TNC: variants seen among roughly 807,000 people sequenced by gnomAD.
TNC encodes tenascin C.
In TNC, 109 loss-of-function variants were observed where a neutral mutation model predicts 202.4. That is an observed-to-expected ratio of 0.54 (90% CI 0.46 to 0.63). The LOEUF is 0.63. Ranked by LOEUF, TNC falls within the 30% of genes least tolerant of loss-of-function variation. The pLI is 0.00. For synonymous variants in TNC, 1,007 were observed against 1,089.7 expected (o/e 0.92, Z 1.50); for missense variants, 2,756 against 2,833.3 (o/e 0.97, Z 0.62).
intron 18 of TNC, among the ~76,000 whole-genome samples, chr9:115,041,720 G>C (rs1037028044): frequency 2.6e-5 from 4 of 152,176 alleles, no homozygotes; most frequent in Non-Finnish European, 2.9e-5. Flanking sequence ...ACCTGCCAGA[G>C]TGTCTTTAGG....
At chr9:115,102,742 G>C (rs1018147751) in intron 1 of TNC, among the ~76,000 whole-genome samples, 1 of 152,224 alleles carries the variant, frequency 6.6e-6, no homozygotes, top group African/African-American at 2.4e-5. Flanking sequence ...CATATGTGCA[G>C]TTAGATTGTA....
intron 15 of TNC, among the ~76,000 whole-genome samples, chr9:115,049,873 G>A (rs1275735673): frequency 5.3e-5 from 8 of 152,154 alleles, no homozygotes; most frequent in Non-Finnish European, 1.2e-4. Flanking sequence ...TTTGGTGACT[G>A]AATGAATAAG....
At chr9:115,023,386 A>G (rs989786421) in intron 27 of TNC, among the ~76,000 whole-genome samples, 6 of 152,186 alleles carry the variant, frequency 3.9e-5, no homozygotes, top group Admixed American at 3.9e-4. Context: ...CCGTTCGCCT[A>G]TTTCTAAAAG....
chr9:115,090,922 G>A lies in TNC; in HGVS notation c.97C>T (p.Arg33Ter), dbSNP rs759957969. 1 of 1,614,144 alleles carries A rather than the reference G, an allele frequency of 6.2e-7. No individual in the cohort carries two copies. ...GVLKKVIRHK[R>*]QSGVNATLPE... is the part of the protein sequence containing the mutation. ...AGGGTGGCGTTCACCCCACTCTGTC[G>A]CTTGTGCCGGATGACTTTCTTGAGG... Residue 33 changes from arginine to a stop codon, truncating the protein, a stop_gained, in exon 2 of 28, where the codon CGA (arginine) becomes TGA (stop). Coordinates refer to ENST00000350763, the MANE Select transcript of TNC (RefSeq NM_002160.4). LOFTEE classifies it high-confidence loss of function.
At chr9:115,098,504 C>A (rs1464678163) in intron 1 of TNC, among the ~76,000 whole-genome samples, 1 of 152,162 alleles carries the variant, frequency 6.6e-6, no homozygotes, top group Non-Finnish European at 1.5e-5. Flanking sequence ...TTTCCCTGGT[C>A]ACAGCTGGAG....
chr9:115,055,965 C>G (rs1332626048), intron 15 of TNC, among the ~76,000 whole-genome samples: 1 of 152,094 alleles, frequency 6.6e-6, no homozygotes, highest in Non-Finnish European at 1.5e-5. Context: ...TATACTTGAA[C>G]CTGGCTGAGA....
rs373054295 is a variant in TNC at position 115,084,192 on chromosome 9, G to A, written c.2131+17C>T. 6.2e-7 allele frequency: 1 copy of A among 1,610,862 alleles called. No individual in the cohort carries two copies. Among genetic ancestry groups the A allele is most frequent in the African/African-American group, 1.3e-5 (1 of 75,032 alleles). On this transcript the variant is annotated intron_variant, in intron 4 of 27. Transcript: ENST00000350763. Reference sequence around the variant, plus strand: ...TGACATCAGGTGAGGCTGCCCAAAAGAGTTCTGCTCACTCACACGTGGCCA... The same window carrying A: ...TGACATCAGGTGAGGCTGCCCAAAAAAGTTCTGCTCACTCACACGTGGCCA...
At chr9:115,077,817 G>A (rs532027688) in intron 7 of TNC, 126 bp downstream of exon 7, 36 of 975,120 alleles carry the variant, frequency 3.7e-5, no homozygotes, top group Middle Eastern at 6.1e-4. Context: ...AAATTTACAG[G>A]AGTAGAAATA....
intron 1 of TNC, among the ~76,000 whole-genome samples, chr9:115,117,110 A>T (rs1450497319): frequency 6.6e-6 from 1 of 152,280 alleles, no homozygotes; most frequent in Non-Finnish European, 1.5e-5. Flanking sequence ...TAAGGAAGTG[A>T]TGTATCTTTC....
intron 17 of TNC, among the ~76,000 whole-genome samples, chr9:115,044,616 A>G (rs967789221): frequency 6.6e-6 from 1 of 152,170 alleles, no homozygotes; most frequent in Non-Finnish European, 1.5e-5. Context: ...AAAGATCAGC[A>G]AAACAAATCA....
At position 115,082,827 on chromosome 9, in the gene TNC, T is replaced by C. The variant is rs1834405853; in HGVS notation, c.2132-20A>G. On this transcript the variant is annotated intron_variant, in intron 4 of 27. Transcript: ENST00000350763. The stretch of plus-strand genomic sequence containing the variant: ...GTAAGTCTGTAAGTAACAACATAAA[T>C]AGAACGTAAGGATAGGGCAGGTGTG... The C allele has an allele frequency of 6.4e-7, 1 of 1,563,544 alleles. No individual in the cohort carries two copies. Among genetic ancestry groups the C allele is most frequent in the Non-Finnish European group, 8.8e-7 (1 of 1,134,320 alleles).
At chr9:115,035,476 A>G in intron 21 of TNC, 142 bp from the exon 22 acceptor site, 2 of 841,284 alleles carry the variant, frequency 2.4e-6, no homozygotes, top group Non-Finnish European at 3.6e-6. Flanking sequence ...CCTCTGTATA[A>G]ATAAGGTGGT....
chr9:115,046,739 G>C, intron 16 of TNC, 57 bp from the exon 17 acceptor site: 1 of 1,591,416 alleles, frequency 6.3e-7, no homozygotes, highest in Admixed American at 1.7e-5. Flanking sequence ...TTACCAGTCC[G>C]TGCAATCTTC....
rs756428186 is a variant in TNC at position 115,063,867 on chromosome 9, T to A, written c.3689A>T (p.His1230Leu). ...TDLPGLKAAT[H>L]YTITIRGVTQ... Reference sequence around the variant, plus strand: ...GACCCCGCGGATGGTGATGGTATAATGAGTGGCTGCTTTGAGCCCAGGCAG... The same window carrying A: ...GACCCCGCGGATGGTGATGGTATAAAGAGTGGCTGCTTTGAGCCCAGGCAG... The change falls in exon 12 of 28, where the codon CAT becomes CTT. Residue 1230 changes from histidine (H) to leucine (L), a missense_variant. Physicochemically the swap from His to Leu is moderately conservative, Grantham distance 99. Transcript: ENST00000350763. 7 of 1,614,078 alleles carry A rather than the reference T, an allele frequency of 4.3e-6. No individual in the cohort carries two copies. In the Admixed American group the frequency reaches 5.0e-5, roughly 12 times the overall value.
In TNC at chr9:115,064,045, C is replaced by T. The variant is rs1220142688; in HGVS notation, c.3511G>A (p.Val1171Ile). The T allele has an allele frequency of 6.2e-7, 1 of 1,609,696 alleles. No homozygotes were observed. The highest frequency in any genetic ancestry group is 8.5e-7 in the Non-Finnish European group (1 of 1,177,202). ...TCCCAGCCCACCTCGGCCACCACGA[C>T]CTCTCCCAAATTGGGAGTTTCCCCT... ...STGETPNLGE[V>I]VVAEVGWDAL... is the part of the protein sequence containing the mutation. Residue 1171 changes from valine to isoleucine, a missense_variant, in exon 12 of 28, where the codon GTC becomes ATC. Transcript: ENST00000350763.
intron 15 of TNC, among the ~76,000 whole-genome samples, chr9:115,053,983 A>T (rs1831904921): frequency 6.6e-6 from 1 of 152,166 alleles, no homozygotes; most frequent in South Asian, 2.1e-4. Flanking sequence ...ATTTAATGTT[A>T]AGGGGTCTAT....
At chr9:115,096,080 TTAAAATTAA>T (rs745935063) in intron 1 of TNC, among the ~76,000 whole-genome samples, 3 of 152,184 alleles carry the variant, frequency 2.0e-5, no homozygotes, top group Non-Finnish European at 2.9e-5. Context: ...GCTTTCTTTA[TTAAAATTAA>T]TTTTTAGAGT....
In TNC at chr9:115,064,782, G is replaced by T. The variant is rs148058884; in HGVS notation, c.3352C>A (p.Arg1118=). The T allele has an allele frequency of 7.4e-6, 12 of 1,613,990 alleles. No individual in the cohort carries two copies. The African/African-American group carries it at 1.5e-4, about 20-fold the overall frequency. Residue 1118 remains arginine, a synonymous_variant, in exon 11 of 28, where the codon CGG becomes AGG. Transcript: ENST00000350763. ...VQEANKVEAA[R]NLTVPGSLRA... ...AGGCTGCCAGGCACGGTGAGGTTCC[G>T]AGCTGCCTCCACCTTGTTGGCCTCC...
In TNC at chr9:115,084,476, G is replaced by T. The variant is rs368544008; in HGVS notation, c.1868-4C>A. ...ACGAGGTCTTTGGGAGGAGACACTG[G>T]CAGGAATAAGAAAGGACATCTGGTG... On this transcript the variant is annotated splice_region_variant and splice_polypyrimidine_tract_variant and intron_variant, in intron 3 of 27. Transcript: ENST00000350763. 4 of 1,613,424 alleles carry T rather than the reference G, an allele frequency of 2.5e-6. No individual in the cohort carries two copies. The highest frequency in any genetic ancestry group is 2.7e-5 in the African/African-American group (2 of 74,920).
Sources: gnomAD v4.1 joint callset for allele counts (sites outside exome capture counted in the v4.1 genomes callset) on GRCh38, gnomAD v4.1.1 for gene constraint, MANE v1.5 for transcripts, NCBI Gene and HGNC (gene_info 2026-07-23, HGNC 2026-07-21) for gene names.